Variants in FNBP1 observed in about 807,000 individuals in gnomAD.
FNBP1 encodes the protein formin-binding protein 1.
Under a neutral mutation model 90.6 loss-of-function variants are expected in FNBP1, and 26 were observed. The ratio of observed to expected loss-of-function variants is 0.29; its 90% CI spans 0.21 to 0.40. The LOEUF (loss-of-function observed/expected upper bound fraction) is 0.40, where lower values mean the gene tolerates loss of function less well. Among genes scored for constraint, FNBP1 ranks in the 10% least tolerant of loss-of-function variants. The pLI is 1.00. For synonymous variants in FNBP1, 260 were observed against 265.2 expected (o/e 0.98, Z 0.19); for missense variants, 635 against 768.0 (o/e 0.83, Z 2.05).
chr9:130,006,399 G>A (rs1309166174), intron 1 of FNBP1, among the ~76,000 whole-genome samples: 1 of 152,238 alleles, frequency 6.6e-6, no homozygotes, highest in Non-Finnish European at 1.5e-5. Flanking sequence ...GGAGGCAGAG[G>A]CAGGAGAATC....
In FNBP1 at chr9:129,888,952, G is replaced by C. The variant is rs981152024; in HGVS notation, c.*1587C>G. ...CACCTAGTTACCAAAGCCAAGCAAA[G>C]AATAAAGCTGCCCGACGTCATCCCC... is the stretch of plus-strand genomic sequence containing the variant. On this transcript the variant is annotated 3_prime_UTR_variant, in exon 17 of 17. Coordinates refer to ENST00000446176, the MANE Select transcript of FNBP1 (RefSeq NM_015033.3). The C allele has an allele frequency of 3.1e-5, 7 of 228,990 alleles. No homozygotes were observed. Among genetic ancestry groups the C allele is most frequent in the Non-Finnish European group, 6.1e-5 (7 of 115,564 alleles). The allele number at this position is 228,990 out of a possible 1,614,324, so 14.2% of individuals were successfully genotyped here.
At chr9:129,918,822 C>A (rs997234464) in intron 10 of FNBP1, among the ~76,000 whole-genome samples, 2 of 150,730 alleles carry the variant, frequency 1.3e-5, no homozygotes, top group Admixed American at 6.6e-5. Flanking sequence ...ACATCTCAGA[C>A]GGCAGTCACA....
chr9:129,961,512 G>A (rs1473325394), intron 4 of FNBP1, among the ~76,000 whole-genome samples: 1 of 152,098 alleles, frequency 6.6e-6, no homozygotes, highest in Non-Finnish European at 1.5e-5. Flanking sequence ...GAAATGTTAA[G>A]AGAATGGTGT....
At chr9:130,044,870 GAAGTTGGAGTGAGCC>G (rs1244198000), upstream of FNBP1, 1 of 152,244 alleles carries the variant, frequency 6.6e-6, no homozygotes, top group Non-Finnish European at 1.5e-5. Flanking sequence ...CCGGGAGGCA[GAAGTTGGAGTGAGCC>G]AAGATTGTGC....
At chr9:129,908,347 G>C (rs1163561248) in intron 12 of FNBP1, among the ~76,000 whole-genome samples, 1 of 150,248 alleles carries the variant, frequency 6.7e-6, no homozygotes, top group African/African-American at 2.4e-5. Context: ...GGGACTACAG[G>C]TGCACACCAT....
Position 129,888,229 on chromosome 9 carries a change from T to C in FNBP1, c.*2310A>G. On this transcript the variant is annotated 3_prime_UTR_variant, in exon 17 of 17. Transcript: ENST00000446176. Reference sequence around the variant, plus strand: ...TATGTTGCAAGAAATGAATCTATCCTGACCCATAATATGAAAGATGTGACG... The same window carrying C: ...TATGTTGCAAGAAATGAATCTATCCCGACCCATAATATGAAAGATGTGACG... The C allele has an allele frequency of 4.3e-6, 1 of 232,740 alleles. No individual in the cohort carries two copies. The highest frequency in any genetic ancestry group is 8.5e-6 in the Non-Finnish European group (1 of 117,700). The allele number at this position is 232,740 out of a possible 1,614,324, so 14.4% of individuals were successfully genotyped here. A position where few individuals can be genotyped will look rare whatever the true frequency, so the allele number is the denominator to read the frequency against.
intron 6 of FNBP1, among the ~76,000 whole-genome samples, chr9:129,938,218 G>T (rs1267163315): frequency 1.3e-5 from 2 of 152,132 alleles, no homozygotes; most frequent in African/African-American, 4.8e-5. Context: ...AGCTAATGGA[G>T]TAGAAGGGAC....
rs891063083 is a variant in FNBP1 at position 129,888,849 on chromosome 9, C to T, written c.*1690G>A. 1 of 232,576 alleles carries T rather than the reference C, an allele frequency of 4.3e-6. No individual in the cohort carries two copies. Among genetic ancestry groups the T allele is most frequent in the African/African-American group, 2.2e-5 (1 of 45,320 alleles). 14.4% of individuals were successfully genotyped at this position (232,576 alleles called of 1,614,324 possible). On this transcript the variant is annotated 3_prime_UTR_variant, in exon 17 of 17. Coordinates refer to ENST00000446176, the MANE Select transcript of FNBP1 (RefSeq NM_015033.3). The stretch of plus-strand genomic sequence containing the variant: ...CCCTTGGGACCTGTCCTTTCCGTCC[C>T]TGTCCCTTTGGCTTCTATAGGACTT...
chr9:130,013,258 G>A (rs2131723248), intron 1 of FNBP1, among the ~76,000 whole-genome samples: 1 of 152,298 alleles, frequency 6.6e-6, no homozygotes, highest in East Asian at 1.9e-4. Flanking sequence ...GGGATTACAG[G>A]CATGAGCTAC....
intron 11 of FNBP1, chr9:129,914,793 A>ATATATCTC (rs1173294546): frequency 1.9e-5 from 3 of 161,448 alleles, no homozygotes; most frequent in African/African-American, 5.4e-5. Context: ...ATATATATAT[A>ATATATCTC]TCTCACCATA....
intron 6 of FNBP1, among the ~76,000 whole-genome samples, chr9:129,939,722 G>T (rs2044045495): frequency 6.6e-6 from 1 of 152,234 alleles, no homozygotes; most frequent in South Asian, 2.1e-4. Context: ...AAACCTCACT[G>T]GGGGGATACT....
chr9:129,952,671 C>G (rs1315720558), intron 6 of FNBP1, among the ~76,000 whole-genome samples: 1 of 152,092 alleles, frequency 6.6e-6, no homozygotes, highest in Non-Finnish European at 1.5e-5. Context: ...GGGGATTAAG[C>G]TTGACTGGGA....
At chr9:129,896,509 G>A (rs1420059208) in intron 15 of FNBP1, among the ~76,000 whole-genome samples, 1 of 152,044 alleles carries the variant, frequency 6.6e-6, no homozygotes, top group African/African-American at 2.4e-5. Context: ...TCAGCCTCCC[G>A]AGCAGCTGAG....
At chr9:129,965,692 A>ACGCGCG (rs80007099) in intron 4 of FNBP1, among the ~76,000 whole-genome samples, 16 of 117,840 alleles carry the variant, frequency 1.4e-4, no homozygotes, top group South Asian at 1.2e-3. Flanking sequence ...AAACACACAC[A>ACGCGCG]CACACGCGCG....
At chr9:129,897,019 A>C (rs2035889074) in intron 15 of FNBP1, among the ~76,000 whole-genome samples, 1 of 152,220 alleles carries the variant, frequency 6.6e-6, no homozygotes, top group South Asian at 2.1e-4. Context: ...CACTGTCTGC[A>C]GCACACTGCC....
intron 6 of FNBP1, among the ~76,000 whole-genome samples, chr9:129,936,800 A>C (rs2043528772): frequency 6.6e-6 from 1 of 152,120 alleles, no homozygotes; most frequent in East Asian, 1.9e-4. Flanking sequence ...TATTTTTGAG[A>C]ACAGAAAAAA....
In FNBP1 at chr9:129,950,035, G is replaced by A. The variant is rs138043672; in HGVS notation, c.513+7325C>T. 7.1e-3 allele frequency among the ~76,000 whole-genome samples: 1,088 copies of A among 152,200 alleles called. 12 individuals carry two copies. Among genetic ancestry groups the A allele is most frequent in the African/African-American group, 0.021 (866 of 41,508 alleles). ...ACAATTAGATAATTTAATCATTTGC[G>A]GGAACTGGGGGAGAAACATTTATGT... On this transcript the variant is annotated intron_variant, in intron 6 of 16. Coordinates refer to ENST00000446176, the MANE Select transcript of FNBP1 (RefSeq NM_015033.3).
Position 129,890,283 on chromosome 9 carries a change from T to G in FNBP1, c.*256A>C, listed in dbSNP as rs1187220460. 15 of 468,190 alleles carry G rather than the reference T, an allele frequency of 3.2e-5. No homozygotes were observed. The highest frequency in any genetic ancestry group is 7.8e-5 in the African/African-American group (3 of 38,378). The allele number at this position is 468,190 out of a possible 1,614,324, so 29.0% of individuals were successfully genotyped here. A position where few individuals can be genotyped will look rare whatever the true frequency, so the allele number is the denominator to read the frequency against. Reference sequence around the variant, plus strand: ...CACCGTCTCAGTGGCCTGCGCGGGGTGGGGAGGGGGAGCGATGAGGACTGA... The same window carrying G: ...CACCGTCTCAGTGGCCTGCGCGGGGGGGGGAGGGGGAGCGATGAGGACTGA... On this transcript the variant is annotated 3_prime_UTR_variant, in exon 17 of 17. Transcript: ENST00000446176. This position sits in a 1 kb window ranked among gnomAD's most constrained non-coding sequence, Gnocchi z 5.8.
At chr9:130,043,232 G>A, upstream of FNBP1, 1 of 319,590 alleles carries the variant, frequency 3.1e-6, no homozygotes. Flanking sequence ...GAGAGCGGGG[G>A]AGGGGCGGGA....
Sources: allele counts gnomAD v4.1 joint callset (sites outside exome capture counted in the v4.1 genomes callset), GRCh38; gene constraint gnomAD v4.1.1; non-coding constraint Gnocchi (gnomAD v3.1); transcripts MANE v1.5; gene names NCBI Gene and HGNC (gene_info 2026-07-23, HGNC 2026-07-21).